Variants in LRRK2 observed in about 807,000 individuals in gnomAD.
LRRK2 encodes the protein leucine rich repeat kinase 2.
Under a neutral mutation model 302.6 loss-of-function variants are expected in LRRK2, and 203 were observed. The ratio of observed to expected loss-of-function variants is 0.67; its 90% confidence interval spans 0.60 to 0.75. The LOEUF is 0.75. LRRK2 is among the 30% of genes least tolerant of loss of function. LRRK2 has a pLI of 0.00. For missense variants in LRRK2, 2,830 were observed against 2,951.0 expected, an observed-to-expected ratio of 0.96 and a Z score of 0.95; for synonymous variants, 1,066 against 1,031.9, an observed-to-expected ratio of 1.03 and a Z score of -0.63.
chr12:40,352,661 C>T (rs2136997741), intron 44 of LRRK2, among the ~76,000 whole-genome samples: 1 of 148,406 alleles, frequency 6.7e-6, no homozygotes, highest in South Asian at 2.2e-4. Flanking sequence ...GTAGTGATGA[C>T]TCTTAACGAG....
intron 11 of LRRK2, among the ~76,000 whole-genome samples, chr12:40,256,953 C>A (rs187789619): frequency 5.0e-4 from 76 of 152,278 alleles, no homozygotes; most frequent in Middle Eastern, 3.4e-3. Context: ...TGCAAAAACA[C>A]TCTTTTCACA....
At chr12:40,329,022 AAAG>A (rs754872094) in intron 39 of LRRK2, among the ~76,000 whole-genome samples, 10 of 152,156 alleles carry the variant, frequency 6.6e-5, no homozygotes, top group Non-Finnish European at 1.0e-4. Context: ...GTTCAGGGTG[AAAG>A]AAGAAGTTTA....
chr12:40,252,925 G>C lies in LRRK2; in HGVS notation c.1197G>C (p.Arg399Ser). 1 of 1,612,950 alleles carries C rather than the reference G, an allele frequency of 6.2e-7. No homozygotes were observed. The highest frequency in any genetic ancestry group is 8.5e-7 in the Non-Finnish European group (1 of 1,179,212). Residue 399 changes from arginine to serine, a missense_variant, in exon 11 of 51, where the codon AGG (arginine) becomes AGC (serine). Arg to Ser is a moderately radical substitution (Grantham distance 110). Transcript: ENST00000298910. ...TTTTTGAAAGTTTCCCAGCTCATAG[G>C]GAAGTGATGCTCTCCATGCTGATGC... Reference protein sequence around the residue: ...GDEDGHFPAHREVMLSMLMHS... With the variant: ...GDEDGHFPAHSEVMLSMLMHS...
At chr12:40,225,977 C>G (rs1940857367) in intron 2 of LRRK2, among the ~76,000 whole-genome samples, 1 of 152,118 alleles carries the variant, frequency 6.6e-6, no homozygotes, top group Admixed American at 6.6e-5. Context: ...TTCCAAGTAT[C>G]TTCCCAATAC....
chr12:40,308,872 G>T (rs1049831418), intron 29 of LRRK2, among the ~76,000 whole-genome samples, 176 bp downstream of exon 29: 1 of 152,138 alleles, frequency 6.6e-6, no homozygotes, highest in African/African-American at 2.4e-5. Flanking sequence ...AGAACATGGA[G>T]GGATATGTTA....
rs774550091 is a variant in LRRK2 at position 40,238,041 on chromosome 12, T to A, written c.509T>A (p.Phe170Tyr). The change falls in exon 5 of 51, where the codon TTT becomes TAT. Residue 170 changes from phenylalanine (F) to tyrosine (Y), a missense_variant. Transcript: ENST00000298910. The stretch of plus-strand genomic sequence containing the variant: ...TTAATTTTTGATGCCATGCACTCAT[T>A]TCCAGCCAATGATGAAGTCCAGAAA... ...FMLIFDAMHS[F>Y]PANDEVQKLG... 3 of 1,613,640 alleles carry A rather than the reference T, an allele frequency of 1.9e-6. No homozygotes were observed. In the African/African-American group the frequency reaches 4.0e-5, roughly 22 times the overall value.
intron 20 of LRRK2, among the ~76,000 whole-genome samples, chr12:40,288,717 T>C (rs138194187): frequency 1.1e-4 from 17 of 152,006 alleles, no homozygotes; most frequent in Admixed American, 3.3e-4. Flanking sequence ...CATGTTCTTA[T>C]TGGCCATTCT....
rs778297160 is a variant in LRRK2 at position 40,243,532 on chromosome 12, T to C, written c.707-18T>C. On this transcript the variant is annotated intron_variant, in intron 6 of 50. Coordinates refer to ENST00000298910, the MANE Select transcript of LRRK2 (RefSeq NM_198578.4). Reference sequence around the variant, plus strand: ...AACATGGTTACCTTATTGATAATTATGATCTCTTTAAATTCAGGCAATAAT... The same window carrying C: ...AACATGGTTACCTTATTGATAATTACGATCTCTTTAAATTCAGGCAATAAT... The C allele has an allele frequency of 1.2e-6, 2 of 1,609,814 alleles. No homozygotes were observed. Among genetic ancestry groups the C allele is most frequent in the Non-Finnish European group, 8.5e-7 (1 of 1,177,078 alleles).
intron 7 of LRRK2, among the ~76,000 whole-genome samples, chr12:40,247,620 G>C (rs1161169537): frequency 2.3e-5 from 3 of 130,864 alleles, no homozygotes; most frequent in Admixed American, 8.0e-5. Context: ...ATACACAGAT[G>C]TATATAAATA....
At chr12:40,329,407 CTTTAA>C (rs1945645708) in intron 39 of LRRK2, among the ~76,000 whole-genome samples, 1 of 152,080 alleles carries the variant, frequency 6.6e-6, no homozygotes, top group South Asian at 2.1e-4. Flanking sequence ...TTCTCAAGTT[CTTTAA>C]TTTATTCTAT....
chr12:40,231,558 C>CA (rs1941187416), intron 2 of LRRK2, among the ~76,000 whole-genome samples: 1 of 48,496 alleles, frequency 2.1e-5, no homozygotes, highest in Non-Finnish European at 4.1e-5. Flanking sequence ...GACCCTATCT[C>CA]AAAAACAAAA....
chr12:40,365,317 G>T, intron 49 of LRRK2: 1 of 383,424 alleles, frequency 2.6e-6, no homozygotes. Context: ...TTTTACCTAA[G>T]GCAAAAATGG....
rs948867350 is a variant in LRRK2, at chr12:40,315,254, A to G, written c.4781A>G (p.Asp1594Gly). Residue 1594 changes from aspartate to glycine, a missense_variant, in exon 33 of 51, where the codon GAC becomes GGC. Coordinates refer to ENST00000298910, the MANE Select transcript of LRRK2 (RefSeq NM_198578.4). ...HFQDPALQLS[D>G]LYFVEPKWLC... ...CAAGACCCAGCACTGCAGTTAAGTG[A>G]CTTGTACTTTGTGGAACCCAAGTGG... The G allele has an allele frequency of 3.1e-6, 5 of 1,612,612 alleles. No homozygotes were observed. The highest frequency in any genetic ancestry group is 4.2e-6 in the Non-Finnish European group (5 of 1,178,970).
intron 2 of LRRK2, among the ~76,000 whole-genome samples, chr12:40,229,950 T>C (rs552033015): frequency 1.2e-3 from 171 of 141,712 alleles, no homozygotes; most frequent in South Asian, 5.3e-3. Flanking sequence ...TGGCATCCTA[T>C]GTGACTTTTT....
chr12:40,301,805 T>G (rs572413445), intron 25 of LRRK2, among the ~76,000 whole-genome samples: 1 of 152,222 alleles, frequency 6.6e-6, no homozygotes, highest in East Asian at 2.0e-4. Flanking sequence ...AAAGAGACTG[T>G]GTGATTTTCT....
chr12:40,240,342 G>C (rs1043676836), intron 5 of LRRK2, 141 bp from the exon 6 acceptor site: 14 of 780,238 alleles, frequency 1.8e-5, no homozygotes, highest in Non-Finnish European at 2.9e-5. Context: ...AGGAAGGGCT[G>C]CTTCACAGAA....
In LRRK2 at chr12:40,331,090, G is replaced by C. The variant is rs562823724; in HGVS notation, c.5757+2630G>C. On this transcript the variant is annotated intron_variant, in intron 39 of 50. Transcript: ENST00000298910. ...TTTTTTCTCTGAGGTTATTTGCTCTGTGGGTTCATCTTGATCTTTCTCTTT... is the reference window on the plus strand; with the variant it reads ...TTTTTTCTCTGAGGTTATTTGCTCTCTGGGTTCATCTTGATCTTTCTCTTT... Among the ~76,000 whole-genome samples, 3 of 152,124 alleles carry C rather than the reference G, an allele frequency of 2.0e-5. No homozygotes were observed. The South Asian group carries it at 6.2e-4, about 32-fold the overall frequency.
intron 2 of LRRK2, among the ~76,000 whole-genome samples, chr12:40,231,115 T>A (rs1224591524): frequency 1.3e-5 from 2 of 152,102 alleles, no homozygotes; most frequent in Non-Finnish European, 2.9e-5. Context: ...GCTTCATTAC[T>A]TGGGGAGCAG....
chr12:40,344,858 CATG>C (rs1361546897), intron 41 of LRRK2, among the ~76,000 whole-genome samples: 2 of 151,936 alleles, frequency 1.3e-5, no homozygotes, highest in Admixed American at 6.6e-5. Flanking sequence ...TGCTAATTCA[CATG>C]ATAATTATAT....
Sources: allele counts gnomAD v4.1 joint callset (sites outside exome capture counted in the v4.1 genomes callset), GRCh38; gene constraint gnomAD v4.1.1; transcripts MANE v1.5; gene names NCBI Gene and HGNC (gene_info 2026-07-23, HGNC 2026-07-21).